The following RIMS2 variants were observed in gnomAD, a reference collection of about 807,000 sequenced individuals.
RIMS2 encodes regulating synaptic membrane exocytosis 2, also known as regulating synaptic membrane exocytosis protein 2.
Under a neutral mutation model 174.4 loss-of-function variants are expected in RIMS2, and 59 were observed. The ratio of observed to expected loss-of-function variants is 0.34; its 90% CI spans 0.27 to 0.42. The LOEUF (loss-of-function observed/expected upper bound fraction) is 0.42, where lower values mean the gene tolerates loss of function less well. RIMS2 is among the 10% of genes least tolerant of loss of function. The pLI is 1.00. For missense variants in RIMS2, 1,620 were observed against 1,666.3 expected (o/e 0.97, Z 0.48); for synonymous variants, 606 against 572.5 (o/e 1.06, Z -0.84).
chr8:103,801,666 C>T (rs2098608822), intron 3 of RIMS2, among the ~76,000 whole-genome samples: 1 of 152,152 alleles, frequency 6.6e-6, no homozygotes, highest in Non-Finnish European at 1.5e-5. Context: ...TACTTTTCAT[C>T]TGAGATATTC....
chr8:103,813,503 T>A lies in RIMS2; in HGVS notation c.698+46966T>A, dbSNP rs1046895432. Among the ~76,000 whole-genome samples the A allele has an allele frequency of 7.2e-5, 11 of 152,160 alleles. No individual in the cohort carries two copies. The East Asian group carries it at 2.1e-3, about 29-fold the overall frequency. On this transcript the variant is annotated intron_variant, in intron 3 of 23. Transcript: ENST00000504942. ...GTGCCATGTTGGTGTGCTGCACCCA[T>A]TAACTCGTCATTTACATTAGGTGTA...
At chr8:104,242,812 G>A (rs2099309157) in intron 19 of RIMS2, among the ~76,000 whole-genome samples, 1 of 152,194 alleles carries the variant, frequency 6.6e-6, no homozygotes, top group African/African-American at 2.4e-5. Context: ...GCATATGATT[G>A]TCCCCTCTTA....
At chr8:104,064,401 A>G (rs1248813669) in intron 19 of RIMS2, among the ~76,000 whole-genome samples, 1 of 152,132 alleles carries the variant, frequency 6.6e-6, no homozygotes, top group Admixed American at 6.6e-5. Flanking sequence ...GAACATCCAC[A>G]TATGCTGTCT....
At chr8:104,057,644 T>A (rs1367825859) in intron 19 of RIMS2, among the ~76,000 whole-genome samples, 1 of 151,540 alleles carries the variant, frequency 6.6e-6, no homozygotes, top group African/African-American at 2.4e-5. Context: ...TGTATACATG[T>A]GCCATGCTGG....
intron 2 of RIMS2, among the ~76,000 whole-genome samples, chr8:103,718,853 A>C (rs147906339): frequency 1.3e-3 from 204 of 152,122 alleles, no homozygotes; most frequent in Non-Finnish European, 2.3e-3. Context: ...GTGTATTTTT[A>C]GTAGAGATGG....
intron 2 of RIMS2, among the ~76,000 whole-genome samples, chr8:103,763,461 GA>G (rs1267334514): frequency 6.6e-6 from 1 of 151,024 alleles, no homozygotes; most frequent in East Asian, 1.9e-4. Flanking sequence ...GAAGAAGGAA[GA>G]AAGGAAGGGA....
At chr8:104,016,818 A>C (rs2095923428) in intron 19 of RIMS2, among the ~76,000 whole-genome samples, 1 of 152,070 alleles carries the variant, frequency 6.6e-6, no homozygotes, top group African/African-American at 2.4e-5. Context: ...TATCCTAGAA[A>C]ACAGAGCCTA....
chr8:103,661,690 G>A lies in RIMS2; in HGVS notation c.177-35396G>A, dbSNP rs543750992. Among the ~76,000 whole-genome samples, 40 of 152,226 alleles carry A rather than the reference G, an allele frequency of 2.6e-4. No homozygotes were observed. In the South Asian group the frequency reaches 7.9e-3, roughly 30 times the overall value. On this transcript the variant is annotated intron_variant, in intron 1 of 23. Coordinates refer to ENST00000504942, the Ensembl canonical transcript of RIMS2. Reference sequence around the variant, plus strand: ...GGCTGATTTTTTTGTATTTTTAGTAGAGATGGGGTTTCACCGTGTTTCCCA... The same window carrying A: ...GGCTGATTTTTTTGTATTTTTAGTAAAGATGGGGTTTCACCGTGTTTCCCA...
At chr8:104,252,487 T>G (rs1029693048), downstream of RIMS2, 20 of 150,068 alleles carry the variant, frequency 1.3e-4, 1 homozygote, top group Admixed American at 1.3e-3. Flanking sequence ...GGACACAGAT[T>G]AGCTGAATAC....
chr8:103,535,971 C>G (rs1839560104), intron 1 of RIMS2, among the ~76,000 whole-genome samples: 1 of 152,162 alleles, frequency 6.6e-6, no homozygotes, highest in African/African-American at 2.4e-5. Flanking sequence ...ATGTTAAAAG[C>G]CAAGTCCATC....
At chr8:103,959,531 G>A (rs770748369) in intron 14 of RIMS2, among the ~76,000 whole-genome samples, 17 of 151,720 alleles carry the variant, frequency 1.1e-4, no homozygotes, top group African/African-American at 1.9e-4. Context: ...AACCTCCCTA[G>A]TAGCTGGGAC....
chr8:104,173,835 A>G (rs1166576126), intron 19 of RIMS2, among the ~76,000 whole-genome samples: 4 of 151,140 alleles, frequency 2.6e-5, no homozygotes, highest in African/African-American at 9.7e-5. Context: ...TCACAGTGTT[A>G]GCCAGGCTCT....
In RIMS2 at chr8:103,599,925, A is replaced by C. The variant is rs2094641472; in HGVS notation, c.177-97161A>C. Among the ~76,000 whole-genome samples, 4 of 152,112 alleles carry C rather than the reference A, an allele frequency of 2.6e-5. No homozygotes were observed. The South Asian group carries it at 8.3e-4, about 32-fold the overall frequency. On this transcript the variant is annotated intron_variant, in intron 1 of 23. Coordinates refer to ENST00000504942, the Ensembl canonical transcript of RIMS2. ...AATTATACTCTTGTAGTTATTTAAA[A>C]ATTTACAATCAAATTATTTTGACTA...
chr8:103,546,725 A>G (rs746007346), intron 1 of RIMS2, among the ~76,000 whole-genome samples: 3 of 152,194 alleles, frequency 2.0e-5, no homozygotes, highest in Non-Finnish European at 4.4e-5. Flanking sequence ...ATGCTAGGAA[A>G]ACCACTCAAA....
At chr8:103,785,559 T>C (rs2098435835) in intron 3 of RIMS2, among the ~76,000 whole-genome samples, 1 of 152,210 alleles carries the variant, frequency 6.6e-6, no homozygotes, top group Non-Finnish European at 1.5e-5. Flanking sequence ...TCTGTTTATA[T>C]GCTGGATTAC....
exon 18 of RIMS2, chr8:104,013,521 A>G (rs1464572992): frequency 1.2e-6 from 2 of 1,613,294 alleles, no homozygotes; most frequent in Admixed American, 3.3e-5. Context: ...GCGGACCACC[A>G]CCCGCTCCAG....
intron 3 of RIMS2, among the ~76,000 whole-genome samples, chr8:103,876,469 T>A (rs1383109206): frequency 1.3e-5 from 2 of 151,566 alleles, no homozygotes; most frequent in African/African-American, 4.8e-5. Flanking sequence ...TTTCCGTAGG[T>A]TTTTGGGGAA....
At chr8:103,562,771 C>A (rs1421986031) in intron 1 of RIMS2, among the ~76,000 whole-genome samples, 1 of 152,170 alleles carries the variant, frequency 6.6e-6, no homozygotes, top group Admixed American at 6.5e-5. Flanking sequence ...TATGAGGGCC[C>A]CGTCCCTGCA....
chr8:103,952,154 G>A lies in RIMS2; in HGVS notation c.2702-8911G>A, dbSNP rs529162035. ...ACCTCCCTGGGACAGAGCACCTGGG[G>A]GAAGGAGCGGTTGGGGGCGCAGCTT... On this transcript the variant is annotated intron_variant, in intron 14 of 23. Coordinates refer to ENST00000504942, the Ensembl canonical transcript of RIMS2. Among the ~76,000 whole-genome samples, 6 of 152,264 alleles carry A rather than the reference G, an allele frequency of 3.9e-5. No homozygotes were observed. The East Asian group carries it at 9.7e-4, about 25-fold the overall frequency.
Sources: allele counts gnomAD v4.1 joint callset (sites outside exome capture counted in the v4.1 genomes callset), GRCh38; gene constraint gnomAD v4.1.1; transcripts MANE v1.5; gene names NCBI Gene and HGNC (gene_info 2026-07-23, HGNC 2026-07-21).